PUDP: variants seen among roughly 807,000 people sequenced by gnomAD.
PUDP encodes pseudouridine-5'-phosphatase.
In PUDP, 8 loss-of-function variants were observed where a neutral mutation model predicts 9.4. That is an observed-to-expected ratio of 0.85 (90% CI 0.50 to 1.53). PUDP has a LOEUF of 1.53. Ranked by LOEUF, PUDP falls within the 40% of genes most tolerant of loss-of-function variation. The pLI, the probability that PUDP is intolerant of heterozygous loss-of-function variation, is 0.00. For synonymous variants in PUDP, 99 were observed against 80.7 expected (o/e 1.23, Z -1.22); for missense variants, 188 against 189.7 (o/e 0.99, Z 0.05).
chrX:7,040,029 C>T (rs1296904627), intron 1 of PUDP, among the ~76,000 whole-genome samples: 3 of 112,207 alleles, frequency 2.7e-5, no homozygotes, highest in Non-Finnish European at 5.6e-5. Context: ...TGTGAGTTCA[C>T]CACCTCTGAC....
chrX:7,079,719 T>A (rs1013136970), intron 2 of PUDP, among the ~76,000 whole-genome samples: 1 of 112,630 alleles, frequency 8.9e-6, no homozygotes, highest in Non-Finnish European at 1.9e-5. Context: ...GGGTCAAAGA[T>A]GAAATCACAA....
intron 3 of PUDP, among the ~76,000 whole-genome samples, chrX:7,063,693 G>A (rs752503357): frequency 2.7e-5 from 3 of 111,299 alleles, no homozygotes; most frequent in South Asian, 3.8e-4. Flanking sequence ...GCCCAGGCTC[G>A]GGTGCAGTGG....
intron 3 of PUDP, among the ~76,000 whole-genome samples, chrX:6,837,723 T>C (rs1281447552): frequency 9.0e-6 from 1 of 111,701 alleles, no homozygotes; most frequent in African/African-American, 3.3e-5. Flanking sequence ...GTTGAACAAG[T>C]ATGTACACTG....
intron 3 of PUDP, among the ~76,000 whole-genome samples, chrX:6,875,569 C>A (rs762943883): frequency 8.1e-5 from 9 of 111,442 alleles, no homozygotes; most frequent in Non-Finnish European, 1.7e-4. Flanking sequence ...AGGGTAATTG[C>A]GGGTTTTGCC....
At chrX:7,051,169 C>T (rs941168017) in intron 3 of PUDP, among the ~76,000 whole-genome samples, 1 of 111,193 alleles carries the variant, frequency 9.0e-6, no homozygotes, top group South Asian at 3.8e-4. Flanking sequence ...CACCAATGAG[C>T]GGATAAAGAA....
At chrX:6,968,449 AG>A (rs1243131618) in intron 3 of PUDP, among the ~76,000 whole-genome samples, 4 of 111,003 alleles carry the variant, frequency 3.6e-5, no homozygotes, top group African/African-American at 6.6e-5. Context: ...GGTCTGGGGC[AG>A]GGGGGTGTGA....
intron 3 of PUDP, among the ~76,000 whole-genome samples, chrX:6,883,821 A>G (rs753996604): frequency 5.4e-5 from 6 of 111,459 alleles, no homozygotes; most frequent in Non-Finnish European, 1.1e-4. Context: ...TTCTGTCCAC[A>G]TTTTTAATGT....
intron 3 of PUDP, among the ~76,000 whole-genome samples, chrX:6,910,766 G>A (rs182111164): frequency 4.5e-5 from 5 of 112,195 alleles, no homozygotes; most frequent in African/African-American, 1.6e-4. Flanking sequence ...CAGAGCACAG[G>A]GTTCAAGGAC....
intron 1 of PUDP, among the ~76,000 whole-genome samples, chrX:7,124,832 CA>C (rs1932437925): frequency 9.2e-6 from 1 of 109,076 alleles, no homozygotes; most frequent in African/African-American, 3.3e-5. Flanking sequence ...CCTGTAGTCC[CA>C]GCTACTCGGG....
intron 3 of PUDP, among the ~76,000 whole-genome samples, chrX:6,801,024 T>C (rs1418809887): frequency 8.9e-6 from 1 of 111,969 alleles, no homozygotes; most frequent in Non-Finnish European, 1.9e-5. Context: ...GGACTCAGCC[T>C]GCTGACAGAG....
At chrX:7,028,597 C>T (rs930014865) in intron 1 of PUDP, among the ~76,000 whole-genome samples, 1 of 111,157 alleles carries the variant, frequency 9.0e-6, no homozygotes, top group African/African-American at 3.3e-5. Flanking sequence ...TTGACTGGAA[C>T]GAGGCAGCAA....
intron 3 of PUDP, among the ~76,000 whole-genome samples, chrX:6,758,181 G>T (rs1193450650): frequency 8.9e-6 from 1 of 112,125 alleles, no homozygotes; most frequent in East Asian, 2.8e-4. Context: ...ATAAAAGTAG[G>T]CTGGGTGCAG....
intron 3 of PUDP, among the ~76,000 whole-genome samples, chrX:6,941,092 C>T (rs1447103957): frequency 1.8e-5 from 2 of 111,171 alleles, no homozygotes; most frequent in Non-Finnish European, 3.8e-5. Context: ...TGTTATAATG[C>T]TACAATAGAG....
At chrX:6,938,489 C>G (rs1177439778) in intron 3 of PUDP, among the ~76,000 whole-genome samples, 4 of 68,881 alleles carry the variant, frequency 5.8e-5, no homozygotes, top group Admixed American at 3.9e-4. Flanking sequence ...GTTGTGGGGT[C>G]GGGGGAGGGG....
intron 3 of PUDP, among the ~76,000 whole-genome samples, chrX:6,842,345 T>C (rs1050935254): frequency 2.7e-5 from 3 of 111,855 alleles, no homozygotes; most frequent in Non-Finnish European, 5.6e-5. Flanking sequence ...CTCACATTTA[T>C]TTATATTGTT....
Position 7,061,989 on chromosome X carries a change from A to T in PUDP, c.511-11517T>A, listed in dbSNP as rs745648519. Among the ~76,000 whole-genome samples, 7 of 112,304 alleles carry T rather than the reference A, an allele frequency of 6.2e-5. No individual in the cohort carries two copies. The South Asian group carries it at 2.6e-3, about 42-fold the overall frequency. ...TATATTCTAGTGACTATGCCACTAA[A>T]TATCTCAATTACTAGCCAGGATATT... On this transcript the variant is annotated intron_variant, in intron 3 of 3. Transcript: ENST00000381077.
At chrX:7,034,694 T>G (rs1929832068) in intron 1 of PUDP, among the ~76,000 whole-genome samples, 1 of 111,927 alleles carries the variant, frequency 8.9e-6, no homozygotes. Flanking sequence ...TCTAATAATC[T>G]ATCTATGCAG....
intron 3 of PUDP, among the ~76,000 whole-genome samples, chrX:6,844,485 T>C (rs1381250517): frequency 8.9e-6 from 1 of 112,225 alleles, no homozygotes; most frequent in Non-Finnish European, 1.9e-5. Flanking sequence ...ATTTCAACCA[T>C]ACGGCCCAAT....
chrX:6,793,413 T>G (rs1203734350), intron 3 of PUDP, among the ~76,000 whole-genome samples: 1 of 111,776 alleles, frequency 8.9e-6, no homozygotes, highest in African/African-American at 3.2e-5. Flanking sequence ...TATTGCTTAA[T>G]AGTGTCACTA....
Sources: gnomAD v4.1 joint callset for allele counts (sites outside exome capture counted in the v4.1 genomes callset) on GRCh38, gnomAD v4.1.1 for gene constraint, MANE v1.5 for transcripts, NCBI Gene and HGNC (gene_info 2026-07-23, HGNC 2026-07-21) for gene names.